PCDHA5: variants seen among roughly 807,000 people sequenced by gnomAD.
PCDHA5 encodes protocadherin alpha 5.
In PCDHA5, 43 loss-of-function variants were observed where a neutral mutation model predicts 61.6. That is an observed-to-expected ratio of 0.70 (90% confidence interval 0.55 to 0.90). PCDHA5 has a LOEUF of 0.90. Among genes scored for constraint, PCDHA5 ranks in the 40% least tolerant of loss-of-function variants. The pLI is 0.00. For synonymous variants in PCDHA5, 627 were observed against 543.9 expected, an observed-to-expected ratio of 1.15 and a Z score of -2.13; for missense variants, 1,298 against 1,222.7, an observed-to-expected ratio of 1.06 and a Z score of -0.92.
chr5:140,904,877 AC>A (rs2071441380), intron 1 of PCDHA5, among the ~76,000 whole-genome samples: 1 of 151,792 alleles, frequency 6.6e-6, no homozygotes, highest in African/African-American at 2.4e-5. Context: ...TCCTTAGCTC[AC>A]TTTTTGATGG....
At chr5:140,869,908 C>T (rs189065461) in intron 1 of PCDHA5, 51 of 1,610,528 alleles carry the variant, frequency 3.2e-5, no homozygotes, top group African/African-American at 2.4e-4. Flanking sequence ...CGCCACAGAC[C>T]GAGACGAAGG....
At position 140,848,447 on chromosome 5, in the gene PCDHA5, CT is replaced by C; in HGVS notation, c.2352+24321del. On this transcript the variant is annotated intron_variant, in intron 1 of 3. Transcript: ENST00000529859. ...GACTGACGAAATCAGATGATTTCTT[CT>C]AATTTGGAGGCAATTTTCACTAATT... The C allele has an allele frequency of 2.7e-6, 4 of 1,507,352 alleles. 1 individual carries two copies. The highest frequency in any genetic ancestry group is 9.0e-7 in the Non-Finnish European group (1 of 1,107,456). 93.4% of individuals were successfully genotyped at this position (1,507,352 alleles called of 1,614,324 possible).
At chr5:140,882,327 T>C in intron 1 of PCDHA5, 1 of 1,614,172 alleles carries the variant, frequency 6.2e-7, no homozygotes, top group Non-Finnish European at 8.5e-7. Flanking sequence ...TGGCTTCTGA[T>C]CCTCGCAGCC....
rs181817860 is a variant in PCDHA5 at position 140,866,905 on chromosome 5, C to T, written c.2352+42778C>T. The T allele has an allele frequency of 1.6e-4, 24 of 152,148 alleles. 1 individual carries two copies. The highest frequency in any genetic ancestry group is 1.4e-3 in the Admixed American group (22 of 15,284). 9.4% of individuals were successfully genotyped at this position (152,148 alleles called of 1,614,324 possible). ...CCTATACCCAGATATTAGGCTGATCCTCAAAGATGAGTTCAAAGGGCGCAT... is the reference window on the plus strand; with the variant it reads ...CCTATACCCAGATATTAGGCTGATCTTCAAAGATGAGTTCAAAGGGCGCAT... On this transcript the variant is annotated intron_variant, in intron 1 of 3. Transcript: ENST00000529859.
intron 1 of PCDHA5, among the ~76,000 whole-genome samples, chr5:140,935,292 G>A (rs782760921): frequency 3.0e-4 from 46 of 152,068 alleles, no homozygotes; most frequent in Non-Finnish European, 3.8e-4. Context: ...TCAGCACTCC[G>A]AGGTTTTTAC....
intron 1 of PCDHA5, chr5:140,849,752 C>G (rs2041099569): frequency 3.1e-6 from 5 of 1,598,274 alleles, no homozygotes; most frequent in Admixed American, 3.4e-5. Context: ...AGAGTGTGTC[C>G]GCCTACGAGC....
At chr5:140,867,674 T>C (rs1450203824) in intron 1 of PCDHA5, 1 of 152,128 alleles carries the variant, frequency 6.6e-6, no homozygotes, top group Non-Finnish European at 1.5e-5. Flanking sequence ...CTCTAAAATT[T>C]TGTTGCATCT....
At chr5:140,838,077 AGTGT>A (rs2150283763) in intron 1 of PCDHA5, among the ~76,000 whole-genome samples, 8,027 of 79,764 alleles carry the variant, frequency 0.1, 265 homozygotes, top group South Asian at 0.12. Flanking sequence ...ATATATATAT[AGTGT>A]GTGTGTGTGT....
chr5:140,853,719 C>T lies in PCDHA5; in HGVS notation c.2352+29592C>T, dbSNP rs2042844142. 3 of 988,390 alleles carry T rather than the reference C, an allele frequency of 3.0e-6. 1 individual carries two copies. Among genetic ancestry groups the T allele is most frequent in the Non-Finnish European group, 3.7e-6 (3 of 820,332 alleles). The allele number at this position is 988,390 out of a possible 1,614,324, so 61.2% of individuals were successfully genotyped here. Reference sequence around the variant, plus strand: ...GCTAACGCATTAGCATTAGCAGCACCTAAGTCCTCATTGAATGTTCTGGTT... The same window carrying T: ...GCTAACGCATTAGCATTAGCAGCACTTAAGTCCTCATTGAATGTTCTGGTT... On this transcript the variant is annotated intron_variant, in intron 1 of 3. Coordinates refer to ENST00000529859, the MANE Select transcript of PCDHA5 (RefSeq NM_018908.3).
chr5:140,870,276 C>T (rs1554163984), intron 1 of PCDHA5: 3 of 1,614,170 alleles, frequency 1.9e-6, no homozygotes, highest in South Asian at 1.1e-5. Context: ...TGACGCCCCA[C>T]GTTCCCTTCA....
intron 3 of PCDHA5, among the ~76,000 whole-genome samples, chr5:141,003,141 AGACTC>A (rs1554258926): frequency 1.3e-5 from 2 of 152,202 alleles, no homozygotes; most frequent in African/African-American, 4.8e-5. Flanking sequence ...GCCTTGGCAA[AGACTC>A]TGACCTGATC....
At chr5:140,993,462 TCACACACA>T (rs3836747) in intron 3 of PCDHA5, among the ~76,000 whole-genome samples, 8,792 of 140,974 alleles carry the variant, frequency 0.062, 316 homozygotes, top group South Asian at 0.11. Flanking sequence ...TCTTTCTTTC[TCACACACA>T]CACACACACA....
At chr5:140,838,691 T>G (rs1554137147) in intron 1 of PCDHA5, among the ~76,000 whole-genome samples, 2 of 151,996 alleles carry the variant, frequency 1.3e-5, no homozygotes, top group African/African-American at 4.8e-5. Context: ...ACCCCAACAT[T>G]TCGGGAGGCC....
At chr5:140,835,478 A>G (rs2150236474) in intron 1 of PCDHA5, 1 of 1,613,898 alleles carries the variant, frequency 6.2e-7, no homozygotes. Context: ...ACGCCCAACC[A>G]GGTACCGTCA....
intron 1 of PCDHA5, among the ~76,000 whole-genome samples, chr5:140,947,608 A>G (rs1381677530): frequency 3.3e-5 from 5 of 151,684 alleles, no homozygotes; most frequent in Non-Finnish European, 7.4e-5. Flanking sequence ...AAGATTTGGT[A>G]TCTTAACAAT....
intron 1 of PCDHA5, chr5:140,830,949 C>T (rs1369947850): frequency 6.6e-6 from 1 of 152,220 alleles, no homozygotes; most frequent in Non-Finnish European, 1.5e-5. Context: ...ATTAAGCTAA[C>T]GCTTTGATTT....
At chr5:140,957,398 T>A (rs1162675184) in intron 1 of PCDHA5, among the ~76,000 whole-genome samples, 1 of 152,186 alleles carries the variant, frequency 6.6e-6, no homozygotes, top group Non-Finnish European at 1.5e-5. Flanking sequence ...ATTGTCCTAA[T>A]TTATTATTAT....
rs532781317 is a variant in PCDHA5, at chr5:140,854,917, G to A, written c.2352+30790G>A. 4.6e-4 allele frequency among the ~76,000 whole-genome samples: 69 copies of A among 149,868 alleles called. 3 individuals are homozygous for A. Among genetic ancestry groups the A allele is most frequent in the South Asian group, 2.8e-3 (13 of 4,714 alleles). ...AAGCGTAAATATAACAGGGTTGAAA[G>A]CATTTGCCTCTGAAAGCAGAAATAA... On this transcript the variant is annotated intron_variant, in intron 1 of 3. Transcript: ENST00000529859.
At chr5:140,855,462 A>C (rs2043478847) in intron 1 of PCDHA5, among the ~76,000 whole-genome samples, 1 of 149,974 alleles carries the variant, frequency 6.7e-6, no homozygotes, top group Admixed American at 6.7e-5. Context: ...AACACCTCAC[A>C]GATAGTTGAT....
Sources: gnomAD v4.1 joint callset for allele counts (sites outside exome capture counted in the v4.1 genomes callset) on GRCh38, gnomAD v4.1.1 for gene constraint, MANE v1.5 for transcripts, NCBI Gene and HGNC (gene_info 2026-07-23, HGNC 2026-07-21) for gene names.